APC: variants seen among roughly 807,000 people sequenced by gnomAD.
APC encodes the protein adenomatous polyposis coli protein.
In APC, 72 loss-of-function variants were observed where a neutral mutation model predicts 247.0. The ratio of observed to expected loss-of-function variants is 0.29; its 90% CI spans 0.24 to 0.35. The LOEUF is 0.35. Ranked by LOEUF, APC falls within the 10% of genes least tolerant of loss-of-function variation. The pLI is 1.00. For synonymous variants in APC, 1,254 were observed against 1,162.5 expected, an observed-to-expected ratio of 1.08 and a Z score of -1.60; for missense variants, 3,400 against 3,360.7, an observed-to-expected ratio of 1.01 and a Z score of -0.29.
intron 6 of APC, among the ~76,000 whole-genome samples, chr5:112,787,122 A>T (rs1160395087): frequency 6.6e-6 from 1 of 152,228 alleles, no homozygotes; most frequent in East Asian, 1.9e-4. Flanking sequence ...TCCTGACCTC[A>T]GGTGATCCAC....
chr5:112,834,939 G>C lies in APC; in HGVS notation c.1744-12G>C. On this transcript the variant is annotated splice_polypyrimidine_tract_variant and intron_variant, in intron 14 of 15. Transcript: ENST00000257430. Reference sequence around the variant, plus strand: ...ACTCTAATTAGATGACCCATATTCTGTTTCTTACTAGGAATCAACCCTCAA... The same window carrying C: ...ACTCTAATTAGATGACCCATATTCTCTTTCTTACTAGGAATCAACCCTCAA... 1.2e-6 allele frequency: 2 copies of C among 1,611,696 alleles called. No homozygotes were observed. The highest frequency in any genetic ancestry group is 1.7e-6 in the Non-Finnish European group (2 of 1,177,894).
intron 10 of APC, among the ~76,000 whole-genome samples, chr5:112,821,660 G>C: frequency 6.6e-6 from 1 of 152,124 alleles, no homozygotes; most frequent in East Asian, 1.9e-4. Flanking sequence ...TATTCTAAGA[G>C]ACTTAGTCAA....
chr5:112,821,030 AT>A (rs1268327067), intron 10 of APC, among the ~76,000 whole-genome samples: 1,376 of 132,362 alleles, frequency 0.01, 2 homozygotes, highest in African/African-American at 0.017. Flanking sequence ...CAACTGACTA[AT>A]TTTTTTTTTT....
At position 112,844,016 on chromosome 5, in the gene APC, C is replaced by T. The variant is rs2150005054; in HGVS notation, c.8422C>T (p.Pro2808Ser). ...TSARPSQIPT[P>S]VNNNTKKRDS... ...AGCTCGGCCATCTCAGATCCCAACTCCAGTGAATAACAACACAAAGAAGCG... is the reference window on the plus strand; with the variant it reads ...AGCTCGGCCATCTCAGATCCCAACTTCAGTGAATAACAACACAAAGAAGCG... The change falls in exon 16 of 16, where the codon CCA (proline) becomes TCA (serine). Residue 2808 changes from proline (P) to serine (S), a missense_variant. Physicochemically the swap from Pro to Ser is moderately conservative, Grantham distance 74. This residue lies in a region of APC where 1,788 missense variants were observed against 1,649.5 expected (regional missense o/e 1.08). Coordinates refer to ENST00000257430, the MANE Select transcript of APC (RefSeq NM_000038.6). The T allele has an allele frequency of 6.2e-7, 1 of 1,603,106 alleles. No homozygotes were observed. The highest frequency in any genetic ancestry group is 8.5e-7 in the Non-Finnish European group (1 of 1,176,308).
At chr5:112,731,387 A>T (rs1377816687) in intron 1 of APC, among the ~76,000 whole-genome samples, 2 of 152,228 alleles carry the variant, frequency 1.3e-5, no homozygotes, top group African/African-American at 4.8e-5. Flanking sequence ...TGGCACCAGC[A>T]TCTGGTGAGG....
At chr5:112,739,704 A>G (rs1322772954) in intron 1 of APC, among the ~76,000 whole-genome samples, 2 of 152,080 alleles carry the variant, frequency 1.3e-5, no homozygotes, top group East Asian at 3.8e-4. Context: ...CCCTATCTCA[A>G]AAAAAAGTAC....
upstream of APC, among the ~76,000 whole-genome samples, chr5:112,737,015 A>G (rs1752433071): frequency 2.0e-5 from 3 of 152,246 alleles, no homozygotes; most frequent in Admixed American, 1.3e-4. Context: ...GTTTAACTTT[A>G]TATATTCTTG....
chr5:112,819,850 G>GA (rs1313727890), intron 10 of APC, among the ~76,000 whole-genome samples: 5 of 152,226 alleles, frequency 3.3e-5, no homozygotes, highest in East Asian at 3.9e-4. Flanking sequence ...TTTTACAGAT[G>GA]AAAAAACTGA....
In APC at chr5:112,842,087, C is replaced by T. The variant is rs775501375; in HGVS notation, c.6493C>T (p.Pro2165Ser). 2 of 1,610,416 alleles carry T rather than the reference C, an allele frequency of 1.2e-6. No homozygotes were observed. The highest frequency in any genetic ancestry group is 2.2e-5 in the South Asian group (2 of 90,892). Reference sequence around the variant, plus strand: ...AAAACCCTTTACAAGTAATAAAGGCCCACGAATTCTAAAACCAGGGGAGAA... The same window carrying T: ...AAAACCCTTTACAAGTAATAAAGGCTCACGAATTCTAAAACCAGGGGAGAA... ...EEKPFTSNKGPRILKPGEKST... is the reference protein window; with the variant it reads ...EEKPFTSNKGSRILKPGEKST... Residue 2165 changes from proline to serine, a missense_variant, in exon 16 of 16, where the codon CCA becomes TCA. By Grantham distance (74) the Pro-to-Ser change is moderately conservative. Around this residue, in one of 9 missense-constraint regions of APC, gnomAD observed 1,788 missense variants for 1,649.5 expected, o/e 1.08. Coordinates refer to ENST00000257430, the MANE Select transcript of APC (RefSeq NM_000038.6).
chr5:112,763,900 G>A lies in APC; in HGVS notation c.136-2426G>A, dbSNP rs141845388. Among the ~76,000 whole-genome samples, 681 of 152,244 alleles carry A rather than the reference G, an allele frequency of 4.5e-3. 3 individuals are homozygous for A. Among genetic ancestry groups the A allele is most frequent in the Middle Eastern group, 0.01 (3 of 294 alleles). ...TCAGGTGATTCTGATCCATGCTGACGCTTGAGAACACTACTGTAGGCTTTG... is the reference window on the plus strand; with the variant it reads ...TCAGGTGATTCTGATCCATGCTGACACTTGAGAACACTACTGTAGGCTTTG... On this transcript the variant is annotated intron_variant, in intron 2 of 15. Transcript: ENST00000257430.
intron 11 of APC, chr5:112,823,225 T>C (rs1763319097): frequency 6.6e-6 from 1 of 152,644 alleles, no homozygotes; most frequent in Non-Finnish European, 1.5e-5. Context: ...TTCCAATGGA[T>C]TGTAGACTAG....
chr5:112,792,602 T>C (rs1759753995), intron 7 of APC, 73 bp downstream of exon 7: 1 of 1,090,986 alleles, frequency 9.2e-7, no homozygotes, highest in Non-Finnish European at 1.4e-6. Flanking sequence ...ACATGTATAA[T>C]TTAATGTGAC....
At chr5:112,788,687 A>T (rs952085305) in intron 6 of APC, among the ~76,000 whole-genome samples, 1 of 152,202 alleles carries the variant, frequency 6.6e-6, no homozygotes, top group Non-Finnish European at 1.5e-5. Context: ...GGGGTCTTAC[A>T]TATCATTTAA....
Position 112,839,069 on chromosome 5 carries a change from C to T in APC, c.3475C>T (p.Pro1159Ser), listed in dbSNP as rs2149892748. Reference protein sequence around the residue: ...EEEQHEEEERPTNYSIKYNEE... With the variant: ...EEEQHEEEERSTNYSIKYNEE... Reference sequence around the variant, plus strand: ...AGAACAGCATGAAGAAGAAGAGAGACCAACAAATTATAGCATAAAATATAA... The same window carrying T: ...AGAACAGCATGAAGAAGAAGAGAGATCAACAAATTATAGCATAAAATATAA... Residue 1159 changes from proline to serine, a missense_variant, in exon 16 of 16, where the codon CCA becomes TCA. Around this residue, in one of 9 missense-constraint regions of APC, gnomAD observed 715 missense variants for 656.6 expected, o/e 1.09. Coordinates refer to ENST00000257430, the MANE Select transcript of APC (RefSeq NM_000038.6). This position sits in a 1 kb window ranked among gnomAD's most constrained non-coding sequence, Gnocchi z 5.0. 1 of 1,614,004 alleles carries T rather than the reference C, an allele frequency of 6.2e-7. No individual in the cohort carries two copies. The highest frequency in any genetic ancestry group is 8.5e-7 in the Non-Finnish European group (1 of 1,179,992).
chr5:112,796,004 T>C (rs1436721473), intron 7 of APC, among the ~76,000 whole-genome samples: 2 of 152,192 alleles, frequency 1.3e-5, no homozygotes, highest in Non-Finnish European at 2.9e-5. Flanking sequence ...GCAGAATACC[T>C]GCGGTTTCTG....
chr5:112,770,251 A>G (rs1561469773), intron 4 of APC, among the ~76,000 whole-genome samples: 1 of 152,200 alleles, frequency 6.6e-6, no homozygotes, highest in South Asian at 2.1e-4. Context: ...CTAGTCTTCC[A>G]GAGTTCTTTG....
At chr5:112,767,956 A>T (rs1223111963) in intron 4 of APC, among the ~76,000 whole-genome samples, 2 of 152,100 alleles carry the variant, frequency 1.3e-5, no homozygotes, top group Admixed American at 1.3e-4. Flanking sequence ...CCACACCTGT[A>T]ATCCCAGCTA....
At chr5:112,782,024 A>G (rs1180687513) in intron 6 of APC, among the ~76,000 whole-genome samples, 2 of 152,190 alleles carry the variant, frequency 1.3e-5, no homozygotes, top group African/African-American at 4.8e-5. Flanking sequence ...CATCATGCCC[A>G]GTGTATTAGT....
At chr5:112,790,041 G>A (rs984805257) in intron 6 of APC, among the ~76,000 whole-genome samples, 5 of 151,764 alleles carry the variant, frequency 3.3e-5, no homozygotes, top group Non-Finnish European at 7.4e-5. Flanking sequence ...TGTATTTTTT[G>A]TAGAGACGGG....
Sources: allele counts gnomAD v4.1 joint callset (sites outside exome capture counted in the v4.1 genomes callset), GRCh38; gene constraint gnomAD v4.1.1; regional missense constraint gnomAD v4.1.1; non-coding constraint Gnocchi (gnomAD v3.1); transcripts MANE v1.5; gene names NCBI Gene and HGNC (gene_info 2026-07-23, HGNC 2026-07-21).